The following UNC5C variants were observed in gnomAD, a reference collection of about 807,000 sequenced individuals.
UNC5C encodes netrin receptor UNC5C.
A neutral mutation model predicts 99.8 loss-of-function variants in UNC5C; 47 were observed. The observed-to-expected ratio is 0.47, with a 90% CI of 0.37 to 0.60. The LOEUF is 0.60. UNC5C is among the 20% of genes least tolerant of loss of function. The pLI, the probability that UNC5C is intolerant of heterozygous loss-of-function variation, is 0.00. For synonymous variants in UNC5C, 487 were observed against 452.2 expected (o/e 1.08, Z -0.98); for missense variants, 1,062 against 1,165.9 (o/e 0.91, Z 1.30).
intron 1 of UNC5C, among the ~76,000 whole-genome samples, chr4:95,483,654 A>C (rs1721240253): frequency 6.6e-6 from 1 of 151,698 alleles, no homozygotes; most frequent in South Asian, 2.1e-4. Context: ...ATCACCCCAA[A>C]TCAGGCCTCT....
At chr4:95,356,799 G>C (rs1744220269) in intron 1 of UNC5C, among the ~76,000 whole-genome samples, 1 of 152,160 alleles carries the variant, frequency 6.6e-6, no homozygotes, top group African/African-American at 2.4e-5. Flanking sequence ...TGTAGGGTGG[G>C]AAAACATGAG....
intron 1 of UNC5C, among the ~76,000 whole-genome samples, chr4:95,545,772 G>GCGCGCACACACACA (rs6148582): frequency 1.9e-4 from 28 of 148,402 alleles, no homozygotes; most frequent in African/African-American, 5.2e-4. Context: ...GCGCGCGCGC[G>GCGCGCACACACACA]CACACACACA....
chr4:95,529,159 CTA>C (rs1413650533), intron 1 of UNC5C, among the ~76,000 whole-genome samples: 1 of 151,096 alleles, frequency 6.6e-6, no homozygotes, highest in Non-Finnish European at 1.5e-5. Context: ...TCATTTCTCT[CTA>C]TGGGATATAC....
chr4:95,247,177 A>G (rs1253174684), intron 5 of UNC5C, among the ~76,000 whole-genome samples: 2 of 152,100 alleles, frequency 1.3e-5, no homozygotes, highest in African/African-American at 4.8e-5. Flanking sequence ...AATTTTCTTT[A>G]ATGGATGTAT....
At chr4:95,471,840 T>A (rs1433665022) in intron 1 of UNC5C, among the ~76,000 whole-genome samples, 1 of 152,036 alleles carries the variant, frequency 6.6e-6, no homozygotes, top group South Asian at 2.1e-4. Context: ...TTTTTTTTTT[T>A]AAGTCTGATT....
chr4:95,541,966 A>G (rs1461658382), intron 1 of UNC5C, among the ~76,000 whole-genome samples: 5 of 152,176 alleles, frequency 3.3e-5, no homozygotes, highest in Non-Finnish European at 5.9e-5. Context: ...GTTGTTTCAC[A>G]TCGTCAGTTA....
intron 1 of UNC5C, among the ~76,000 whole-genome samples, chr4:95,539,314 C>T (rs1420400703): frequency 6.6e-6 from 1 of 152,054 alleles, no homozygotes; most frequent in African/African-American, 2.4e-5. Context: ...AGTGGAGATC[C>T]CCTAGTCTCT....
At chr4:95,392,207 A>G (rs1745382587) in intron 1 of UNC5C, among the ~76,000 whole-genome samples, 1 of 151,936 alleles carries the variant, frequency 6.6e-6, no homozygotes, top group African/African-American at 2.4e-5. Context: ...AGCAAGGATA[A>G]CTCCCTTCAC....
At chr4:95,244,832 C>T in intron 6 of UNC5C, 145 bp downstream of exon 6, 2 of 1,119,680 alleles carry the variant, frequency 1.8e-6, no homozygotes, top group East Asian at 2.5e-5. Context: ...ACTTGATTTC[C>T]CAGCAATGTA....
At chr4:95,245,501 C>G (rs1247076972) in intron 5 of UNC5C, among the ~76,000 whole-genome samples, 5 of 152,250 alleles carry the variant, frequency 3.3e-5, no homozygotes, top group African/African-American at 1.2e-4. Flanking sequence ...ATGTTTACAT[C>G]TCTATGAAAA....
Position 95,335,647 on chromosome 4 carries a change from A to G in UNC5C, c.125-16T>C, listed in dbSNP as rs762548947. On this transcript the variant is annotated splice_polypyrimidine_tract_variant and intron_variant, in intron 1 of 15. Transcript: ENST00000453304. ...AAGTCATCATCTGAGAAAGAAGAAG[A>G]AAGTGGAAGATGGTTAACACATTGT... The G allele has an allele frequency of 1.0e-5, 16 of 1,594,150 alleles. No homozygotes were observed. Among genetic ancestry groups the G allele is most frequent in the African/African-American group, 1.4e-5 (1 of 73,962 alleles).
intron 1 of UNC5C, among the ~76,000 whole-genome samples, chr4:95,524,999 A>G (rs958144864): frequency 6.6e-6 from 1 of 152,130 alleles, no homozygotes; most frequent in African/African-American, 2.4e-5. Context: ...GTTCTTTTTT[A>G]AAAATGATGC....
intron 1 of UNC5C, among the ~76,000 whole-genome samples, chr4:95,518,531 A>G (rs1255634454): frequency 6.6e-6 from 1 of 152,196 alleles, no homozygotes; most frequent in Non-Finnish European, 1.5e-5. Flanking sequence ...TGAAGTCCCA[A>G]TGTTACATAG....
chr4:95,203,818 T>C (rs979077194), intron 11 of UNC5C, among the ~76,000 whole-genome samples: 2 of 152,122 alleles, frequency 1.3e-5, no homozygotes, highest in African/African-American at 2.4e-5. Context: ...TGTGTGTGTG[T>C]ATGTGAAAGC....
chr4:95,383,615 G>GC (rs1560812956), intron 1 of UNC5C, among the ~76,000 whole-genome samples: 1 of 152,146 alleles, frequency 6.6e-6, no homozygotes, highest in Non-Finnish European at 1.5e-5. Flanking sequence ...CCCAACAACA[G>GC]CAAACCAGGG....
intron 2 of UNC5C, among the ~76,000 whole-genome samples, chr4:95,314,809 A>G (rs1319966733): frequency 6.6e-6 from 1 of 152,196 alleles, no homozygotes; most frequent in African/African-American, 2.4e-5. Context: ...TGTAAAGAAA[A>G]TGATAATGGT....
rs555243658 is a variant in UNC5C, at chr4:95,164,546, T to C, written c.*4688A>G. 6.6e-6 allele frequency: 1 copy of C among 152,326 alleles called. No homozygotes were observed. The highest frequency in any genetic ancestry group is 1.9e-4 in the East Asian group (1 of 5,184). The allele number at this position is 152,326 out of a possible 1,614,324, so 9.4% of individuals were successfully genotyped here. Reference sequence around the variant, plus strand: ...AAAAATAAAAGCCAAAGAGTAATAGTTGGTCCTATGAGGCACTCGAGAGGT... The same window carrying C: ...AAAAATAAAAGCCAAAGAGTAATAGCTGGTCCTATGAGGCACTCGAGAGGT... On this transcript the variant is annotated 3_prime_UTR_variant, in exon 16 of 16. Transcript: ENST00000453304.
intron 5 of UNC5C, among the ~76,000 whole-genome samples, chr4:95,249,795 G>T (rs558405973): frequency 6.6e-6 from 1 of 152,290 alleles, no homozygotes; most frequent in East Asian, 1.9e-4. Flanking sequence ...TTAGCATATC[G>T]TTAGGATTAG....
intron 1 of UNC5C, among the ~76,000 whole-genome samples, chr4:95,450,024 C>T (rs1321893632): frequency 6.6e-6 from 1 of 152,114 alleles, no homozygotes; most frequent in African/African-American, 2.4e-5. Flanking sequence ...GATTTATTTA[C>T]TTATGTCAAT....
Sources: gnomAD v4.1 joint callset for allele counts (sites outside exome capture counted in the v4.1 genomes callset) on GRCh38, gnomAD v4.1.1 for gene constraint, MANE v1.5 for transcripts, NCBI Gene and HGNC (gene_info 2026-07-23, HGNC 2026-07-21) for gene names.